The following ERICH6B variants were observed in gnomAD, a reference collection of about 807,000 sequenced individuals.
ERICH6B encodes the protein glutamate rich 6B, also known as glutamate-rich protein 6B.
A neutral mutation model predicts 80.0 loss-of-function variants in ERICH6B; 69 were observed. The ratio of observed to expected loss-of-function variants is 0.86; its 90% CI spans 0.71 to 1.05. The LOEUF (loss-of-function observed/expected upper bound fraction) is 1.05. ERICH6B is among the 50% of genes least tolerant of loss of function. ERICH6B has a pLI of 0.00. For missense variants in ERICH6B, 754 were observed against 796.1 expected, an observed-to-expected ratio of 0.95 and a Z score of 0.64; for synonymous variants, 283 against 291.9, an observed-to-expected ratio of 0.97 and a Z score of 0.31.
chr13:45,553,756 C>G (rs745466326), intron 11 of ERICH6B, among the ~76,000 whole-genome samples: 23 of 152,106 alleles, frequency 1.5e-4, no homozygotes, highest in Non-Finnish European at 2.8e-4. Flanking sequence ...CATTAAGCTC[C>G]CAGCCACCTG....
chr13:45,596,431 T>C lies in ERICH6B; in HGVS notation c.575A>G (p.Glu192Gly). 4.5e-6 allele frequency: 7 copies of C among 1,552,194 alleles called. No individual in the cohort carries two copies. The highest frequency in any genetic ancestry group is 6.1e-6 in the Non-Finnish European group (7 of 1,147,082). The change falls in exon 3 of 15, where the codon GAA (glutamate) becomes GGA (glycine). Residue 192 changes from glutamate (E) to glycine (G), a missense_variant. Glu to Gly is a moderately conservative substitution (Grantham distance 98). Transcript: ENST00000298738. ...LEKEENLEEE[E>G]ALEKEENLDG... ...CAGATTCTCTTCCTTCTCCAGAGCT[T>C]CTTCCTCCTCCAGATTCTCTTCCTT...
intron 4 of ERICH6B, among the ~76,000 whole-genome samples, chr13:45,589,666 G>A (rs560110168): frequency 2.2e-4 from 34 of 152,356 alleles, no homozygotes; most frequent in African/African-American, 2.9e-4. Context: ...AGGCAGTCTG[G>A]CTCCAAAGCC....
At chr13:45,574,519 C>A (rs1875299205) in intron 8 of ERICH6B, among the ~76,000 whole-genome samples, 1 of 152,086 alleles carries the variant, frequency 6.6e-6, no homozygotes, top group South Asian at 2.1e-4. Flanking sequence ...TGGTCACAGG[C>A]CTGCAGAGAT....
chr13:45,586,940 A>G (rs1047256747), intron 5 of ERICH6B, 123 bp downstream of exon 5: 12 of 1,068,654 alleles, frequency 1.1e-5, no homozygotes, highest in Non-Finnish European at 1.6e-5. Context: ...CAACAGAAAC[A>G]GTAGGATATC....
At chr13:45,598,942 C>G (rs1423285655) in intron 2 of ERICH6B, among the ~76,000 whole-genome samples, 2 of 152,182 alleles carry the variant, frequency 1.3e-5, no homozygotes, top group South Asian at 4.1e-4. Context: ...GCTACATTCA[C>G]CCCAGAGCTC....
chr13:45,604,369 C>T (rs1247674842), intron 2 of ERICH6B, among the ~76,000 whole-genome samples: 4 of 152,194 alleles, frequency 2.6e-5, no homozygotes, highest in Admixed American at 6.5e-5. Context: ...AACCAGAAAG[C>T]CCCGGGGATG....
chr13:45,590,618 C>T, intron 4 of ERICH6B, 31 bp downstream of exon 4: 3 of 1,546,384 alleles, frequency 1.9e-6, no homozygotes, highest in Non-Finnish European at 1.7e-6. Context: ...CAGGAGTTTC[C>T]ACCTGATTTA....
intron 10 of ERICH6B, among the ~76,000 whole-genome samples, chr13:45,561,877 C>T (rs896222405): frequency 6.6e-6 from 1 of 151,946 alleles, no homozygotes; most frequent in African/African-American, 2.4e-5. Flanking sequence ...CCAACTACAA[C>T]GTAATGAGAG....
intron 2 of ERICH6B, among the ~76,000 whole-genome samples, chr13:45,601,257 A>G (rs1398324721): frequency 6.6e-6 from 1 of 152,102 alleles, no homozygotes; most frequent in East Asian, 1.9e-4. Flanking sequence ...CATGAGTAAA[A>G]TATATTTTTA....
chr13:45,579,837 G>A (rs925114381), intron 7 of ERICH6B, 96 bp downstream of exon 7: 1 of 1,228,458 alleles, frequency 8.1e-7, no homozygotes, highest in Non-Finnish European at 1.2e-6. Flanking sequence ...GGGTCATGCT[G>A]GATCAGAGAG....
chr13:45,596,238 T>G, intron 3 of ERICH6B, 131 bp downstream of exon 3: 1 of 1,199,854 alleles, frequency 8.3e-7, no homozygotes, highest in Non-Finnish European at 1.1e-6. Flanking sequence ...CCTGGTAAAC[T>G]AGAGTTACCA....
At chr13:45,606,522 TA>T (rs1949862992) in intron 2 of ERICH6B, among the ~76,000 whole-genome samples, 8 of 32,160 alleles carry the variant, frequency 2.5e-4, no homozygotes, top group South Asian at 1.5e-3. Context: ...TATATATATA[TA>T]TATATATATA....
At chr13:45,563,673 G>A (rs1874790883) in intron 10 of ERICH6B, 54 bp downstream of exon 10, 1 of 1,446,518 alleles carries the variant, frequency 6.9e-7, no homozygotes, top group Non-Finnish European at 9.5e-7. Flanking sequence ...GAGAGGCGGT[G>A]GGATGCAGAC....
chr13:45,563,670 G>A (rs754369266), intron 10 of ERICH6B, 57 bp downstream of exon 10: 45 of 1,425,268 alleles, frequency 3.2e-5, no homozygotes, highest in South Asian at 1.7e-4. Context: ...GGGGAGAGGC[G>A]GTGGGATGCA....
chr13:45,556,074 T>C lies in ERICH6B; in HGVS notation c.1407+5295A>G, dbSNP rs142859251. Among the ~76,000 whole-genome samples the C allele has an allele frequency of 2.7e-3, 402 of 151,326 alleles. 2 individuals are homozygous for C. The highest frequency in any genetic ancestry group is 9.3e-3 in the African/African-American group (382 of 41,132). On this transcript the variant is annotated intron_variant, in intron 11 of 14. Coordinates refer to ENST00000298738, the MANE Select transcript of ERICH6B (RefSeq NM_182542.3). ...CAAATGGCCTTCCCTGATTACTCTA[T>C]AGGCATGAGAGCATCTTCTCTCTCA...
intron 14 of ERICH6B, among the ~76,000 whole-genome samples, chr13:45,544,461 A>C (rs1873911099): frequency 6.6e-6 from 1 of 152,104 alleles, no homozygotes; most frequent in South Asian, 2.1e-4. Flanking sequence ...GGCTCAAGGG[A>C]TCCACCTGTC....
chr13:45,566,314 C>A (rs1190839126), intron 9 of ERICH6B, among the ~76,000 whole-genome samples: 1 of 152,234 alleles, frequency 6.6e-6, no homozygotes, highest in African/African-American at 2.4e-5. Flanking sequence ...ATCAAGCCAG[C>A]TGCAGAAATT....
rs776217367 is a variant in ERICH6B, at chr13:45,580,667, T to G, written c.857-2A>C. ...CTGATTTCGATTTTAAAGATTTTAC[T>G]GTTAAAAGGCAGAAGAGGGTGGCTA... On this transcript the variant is annotated splice_acceptor_variant, in intron 5 of 14. Coordinates refer to ENST00000298738, the MANE Select transcript of ERICH6B (RefSeq NM_182542.3). LOFTEE classifies it high-confidence loss of function. 9 of 1,551,674 alleles carry G rather than the reference T, an allele frequency of 5.8e-6. No homozygotes were observed. Among genetic ancestry groups the G allele is most frequent in the East Asian group, 2.4e-5 (1 of 40,926 alleles).
At chr13:45,547,666 C>T (rs1222349708) in intron 13 of ERICH6B, among the ~76,000 whole-genome samples, 1 of 152,232 alleles carries the variant, frequency 6.6e-6, no homozygotes, top group East Asian at 1.9e-4. Flanking sequence ...AAACATAACC[C>T]TTTCCTATAG....
Sources: allele counts gnomAD v4.1 joint callset (sites outside exome capture counted in the v4.1 genomes callset), GRCh38; gene constraint gnomAD v4.1.1; transcripts MANE v1.5; gene names NCBI Gene and HGNC (gene_info 2026-07-23, HGNC 2026-07-21).